Variants in SCRG1 observed in about 807,000 individuals in gnomAD.
SCRG1 encodes the protein stimulator of chondrogenesis 1, also known as scrapie-responsive protein 1.
SCRG1 carries 3 observed loss-of-function variants against 7.7 expected under a neutral mutation model. The observed-to-expected ratio is 0.39, with a 90% CI of 0.18 to 1.01. SCRG1 has a LOEUF of 1.01. Among genes scored for constraint, SCRG1 ranks in the 50% least tolerant of loss-of-function variants. The pLI is 0.36. For synonymous variants in SCRG1, 46 were observed against 41.2 expected (o/e 1.12, Z -0.44); for missense variants, 110 against 117.2 (o/e 0.94, Z 0.28).
At chr4:173,441,940 T>C in the SCRG1 span, among the ~76,000 whole-genome samples, 3 of 152,208 alleles carry the variant, frequency 2.0e-5, no homozygotes, top group Non-Finnish European at 4.4e-5. Flanking sequence ...ATATACATGA[T>C]AGACCGTAAA....
the SCRG1 span, among the ~76,000 whole-genome samples, chr4:173,435,118 ATGTGTG>A: frequency 0.048 from 7,336 of 151,342 alleles, 526 homozygotes; most frequent in African/African-American, 0.16. Flanking sequence ...ATATATATCT[ATGTGTG>A]TGTGTGTGTG....
chr4:173,457,466 C>T, the SCRG1 span, among the ~76,000 whole-genome samples: 15 of 152,122 alleles, frequency 9.9e-5, no homozygotes, highest in Admixed American at 2.0e-4. Flanking sequence ...TTCCATATAA[C>T]ATCAAAGAAT....
chr4:173,432,496 G>A, the SCRG1 span, among the ~76,000 whole-genome samples: 10 of 150,836 alleles, frequency 6.6e-5, no homozygotes, highest in African/African-American at 1.5e-4. Flanking sequence ...TTTTCTCTCA[G>A]TATCTGTCTT....
At chr4:173,443,463 T>C in the SCRG1 span, among the ~76,000 whole-genome samples, 1 of 152,158 alleles carries the variant, frequency 6.6e-6, no homozygotes, top group South Asian at 2.1e-4. Flanking sequence ...TGCCTGTCAA[T>C]AGAAAACACT....
At chr4:173,417,043 C>T in the SCRG1 span, among the ~76,000 whole-genome samples, 1 of 150,302 alleles carries the variant, frequency 6.7e-6, no homozygotes, top group Non-Finnish European at 1.5e-5. Flanking sequence ...TCACACACAC[C>T]CCACACACAA....
the SCRG1 span, among the ~76,000 whole-genome samples, chr4:173,453,010 C>T: frequency 0.013 from 1,914 of 152,262 alleles, 54 homozygotes; most frequent in African/African-American, 0.044. Flanking sequence ...CACAGGACTC[C>T]TGGGTCACAC....
the SCRG1 span, chr4:173,419,631 C>T: frequency 1.4e-6 from 1 of 731,082 alleles, no homozygotes; most frequent in East Asian, 2.5e-5. Flanking sequence ...ATAGACAAAC[C>T]AAGGAATCGT....
rs577151642 is a variant in SCRG1 at position 173,387,648 on chromosome 4, A to C, written c.*693T>G. ...GGCATTAGTCACCAGTCCCAGCCTG[A>C]AATGTACTTAAAGTTATTAGCATAC... On this transcript the variant is annotated 3_prime_UTR_variant, in exon 3 of 3. Transcript: ENST00000296506. 2.0e-5 allele frequency: 3 copies of C among 151,706 alleles called. No homozygotes were observed. The South Asian group carries it at 6.3e-4, about 32-fold the overall frequency. 9.4% of individuals were successfully genotyped at this position (151,706 alleles called of 1,614,324 possible). A position where few individuals can be genotyped will look rare whatever the true frequency, so the allele number is the denominator to read the frequency against.
chr4:173,420,202 A>T, the SCRG1 span: 6 of 364,572 alleles, frequency 1.6e-5, no homozygotes, highest in Non-Finnish European at 3.2e-5. Context: ...CTAGTGGGGG[A>T]AAAGGGCCCT....
the SCRG1 span, among the ~76,000 whole-genome samples, chr4:173,485,028 AT>A: frequency 1.7e-4 from 4 of 23,878 alleles, no homozygotes; most frequent in African/African-American, 5.1e-4. Flanking sequence ...TATATAATAT[AT>A]TATATATTAT....
chr4:173,465,602 G>A, the SCRG1 span, among the ~76,000 whole-genome samples: 1 of 149,006 alleles, frequency 6.7e-6, no homozygotes, highest in African/African-American at 2.4e-5. Flanking sequence ...TAGGTGAGGG[G>A]ATTTTTTTTA....
chr4:173,509,661 G>C, the SCRG1 span, among the ~76,000 whole-genome samples: 1 of 152,078 alleles, frequency 6.6e-6, no homozygotes, highest in Non-Finnish European at 1.5e-5. This position sits in a 1 kb window ranked among gnomAD's most constrained non-coding sequence, Gnocchi z 5.7. Context: ...CTCCTGGGCC[G>C]CGCGGCTGCA....
chr4:173,483,854 T>A, the SCRG1 span, among the ~76,000 whole-genome samples: 1 of 106,052 alleles, frequency 9.4e-6, no homozygotes, highest in Non-Finnish European at 1.7e-5. Flanking sequence ...TAATATATAT[T>A]TCATATTACA....
At chr4:173,480,776 A>G in the SCRG1 span, among the ~76,000 whole-genome samples, 2 of 152,024 alleles carry the variant, frequency 1.3e-5, no homozygotes, top group Non-Finnish European at 2.9e-5. Context: ...TTTTTTTTAA[A>G]TGTATGCTGA....
chr4:173,470,247 A>G, the SCRG1 span, among the ~76,000 whole-genome samples: 1 of 151,944 alleles, frequency 6.6e-6, no homozygotes, highest in Admixed American at 6.6e-5. Flanking sequence ...AACTATTATA[A>G]GAACAGAAGA....
intron 1 of SCRG1, among the ~76,000 whole-genome samples, chr4:173,391,683 C>A (rs529745363): frequency 6.6e-6 from 1 of 152,328 alleles, no homozygotes; most frequent in Admixed American, 6.5e-5. Flanking sequence ...GTAATCTCAG[C>A]ATGGGAGGCC....
chr4:173,504,377 T>A, the SCRG1 span, among the ~76,000 whole-genome samples: 1 of 152,156 alleles, frequency 6.6e-6, no homozygotes, highest in East Asian at 1.9e-4. The surrounding 1 kb of genome is among the most constrained non-coding windows in gnomAD (Gnocchi z 4.7). Flanking sequence ...GGGCCTTTCC[T>A]ACCCCAACTC....
the SCRG1 span, among the ~76,000 whole-genome samples, chr4:173,438,076 A>T: frequency 2.0e-5 from 3 of 152,282 alleles, no homozygotes; most frequent in East Asian, 5.8e-4. Flanking sequence ...AAAAATTGGT[A>T]ACCTAAGGTT....
the SCRG1 span, among the ~76,000 whole-genome samples, chr4:173,498,738 A>G: frequency 2.6e-5 from 4 of 151,850 alleles, no homozygotes; most frequent in African/African-American, 4.8e-5. Context: ...ATGTATGTAT[A>G]TGTGTGTGTG....
Sources: gnomAD v4.1 joint callset for allele counts (sites outside exome capture counted in the v4.1 genomes callset) on GRCh38, gnomAD v4.1.1 for gene constraint, Gnocchi (gnomAD v3.1) non-coding constraint, MANE v1.5 for transcripts, NCBI Gene and HGNC (gene_info 2026-07-23, HGNC 2026-07-21) for gene names.